The following ESRRB variants were observed in gnomAD, a reference collection of about 807,000 sequenced individuals.
The protein encoded by ESRRB is steroid hormone receptor ERR2.
A neutral mutation model predicts 46.0 loss-of-function variants in ESRRB; 16 were observed. The ratio of observed to expected loss-of-function variants is 0.35; its 90% CI spans 0.24 to 0.53. The LOEUF (loss-of-function observed/expected upper bound fraction) is 0.53, where lower values mean the gene tolerates loss of function less well. ESRRB is among the 20% of genes least tolerant of loss of function. ESRRB has a pLI of 0.93. For synonymous variants in ESRRB, 246 were observed against 259.6 expected, an observed-to-expected ratio of 0.95 and a Z score of 0.50; for missense variants, 488 against 607.4, an observed-to-expected ratio of 0.80 and a Z score of 2.07.
intron 1 of ESRRB, among the ~76,000 whole-genome samples, chr14:76,379,634 G>A (rs1233324951): frequency 4.6e-5 from 7 of 152,132 alleles, no homozygotes; most frequent in African/African-American, 1.7e-4. Flanking sequence ...GAAGAGGATG[G>A]GTGATAGGAG....
chr14:76,469,063 C>T (rs531655416), intron 3 of ESRRB, among the ~76,000 whole-genome samples: 38 of 152,140 alleles, frequency 2.5e-4, no homozygotes, highest in African/African-American at 8.9e-4. Flanking sequence ...TGCTCTGAAT[C>T]GCTCTCTTCT....
intron 1 of ESRRB, among the ~76,000 whole-genome samples, chr14:76,406,232 A>C (rs963873406): frequency 6.6e-6 from 1 of 152,158 alleles, no homozygotes; most frequent in Admixed American, 6.5e-5. Context: ...AAGGGAGGAC[A>C]CTGGAGAAAA....
chr14:76,384,798 T>C lies in ESRRB; in HGVS notation c.50+8347T>C, dbSNP rs188045694. 2.6e-4 allele frequency among the ~76,000 whole-genome samples: 39 copies of C among 152,316 alleles called. No individual in the cohort carries two copies. The East Asian group carries it at 7.5e-3, about 29-fold the overall frequency. ...GCATGTGAATATCTGGGAGAAGAAC[T>C]GTGTGAAGAGAGAGGCAAAGTCATC... On this transcript the variant is annotated intron_variant, in intron 1 of 6. Coordinates refer to ENST00000644823, the MANE Select transcript of ESRRB (RefSeq NM_001379180.1).
intron 1 of ESRRB, among the ~76,000 whole-genome samples, chr14:76,421,995 CTGTT>C (rs1886977773): frequency 6.6e-6 from 1 of 152,120 alleles, no homozygotes; most frequent in Non-Finnish European, 1.5e-5. Context: ...AGCCAGCAGG[CTGTT>C]TATTTATCAG....
chr14:76,355,937 C>G (rs1214086422), intron 1 of ESRRB, among the ~76,000 whole-genome samples: 1 of 152,226 alleles, frequency 6.6e-6, no homozygotes, highest in Admixed American at 6.5e-5. Context: ...AGATGACCCT[C>G]TTCCGCAATC....
intron 1 of ESRRB, among the ~76,000 whole-genome samples, chr14:76,395,835 TGGTAC>T (rs1259105779): frequency 8.2e-6 from 1 of 121,390 alleles, no homozygotes; most frequent in East Asian, 2.8e-4. Flanking sequence ...TTATGATACT[TGGTAC>T]TTGGGGTGGG....
chr14:76,437,946 A>G (rs1432117914), intron 1 of ESRRB, among the ~76,000 whole-genome samples: 2 of 152,046 alleles, frequency 1.3e-5, no homozygotes, highest in Non-Finnish European at 2.9e-5. Flanking sequence ...TGATCTTGCC[A>G]TACTGGTAAT....
intron 1 of ESRRB, among the ~76,000 whole-genome samples, chr14:76,430,276 G>A (rs1251258227): frequency 2.0e-5 from 3 of 152,164 alleles, no homozygotes; most frequent in African/African-American, 7.2e-5. Context: ...TTAATGGATA[G>A]CTCTTGATGG....
intron 5 of ESRRB, among the ~76,000 whole-genome samples, chr14:76,486,573 C>T (rs544840504): frequency 6.6e-6 from 1 of 151,730 alleles, no homozygotes; most frequent in South Asian, 2.1e-4. Flanking sequence ...TTTTTTTCCC[C>T]CTTCAATTCT....
intron 1 of ESRRB, among the ~76,000 whole-genome samples, chr14:76,336,475 G>A (rs940114740): frequency 1.3e-5 from 2 of 152,248 alleles, no homozygotes; most frequent in African/African-American, 4.8e-5. Context: ...CCTTGCCTCT[G>A]CACCTGCCCC....
At chr14:76,457,958 A>C (rs1362613263) in intron 2 of ESRRB, among the ~76,000 whole-genome samples, 4 of 152,174 alleles carry the variant, frequency 2.6e-5, no homozygotes, top group Non-Finnish European at 1.5e-5. Flanking sequence ...TAGAAGTGTG[A>C]GCCACTGCGC....
intron 3 of ESRRB, among the ~76,000 whole-genome samples, chr14:76,465,565 CAG>C (rs1371578831): frequency 6.6e-6 from 1 of 152,146 alleles, no homozygotes; most frequent in Non-Finnish European, 1.5e-5. Flanking sequence ...GCTGGGAGGA[CAG>C]GGGCATGAGA....
At chr14:76,477,087 G>T (rs1184992696) in intron 3 of ESRRB, among the ~76,000 whole-genome samples, 1 of 152,212 alleles carries the variant, frequency 6.6e-6, no homozygotes, top group African/African-American at 2.4e-5. Flanking sequence ...GTGAGAGTCT[G>T]TCTCAAAAAC....
At position 76,500,292 on chromosome 14, in the gene ESRRB, G is replaced by T. The variant is rs73320344; in HGVS notation, c.*1834G>T. On this transcript the variant is annotated 3_prime_UTR_variant, in exon 7 of 7. Coordinates refer to ENST00000644823, the MANE Select transcript of ESRRB (RefSeq NM_001379180.1). ...CCCAGACCAGTGATGTGTCCCTCCG[G>T]CTCCCCTTGCCTGTGGGGAATCGGG... 8,621 of 595,552 alleles carry T rather than the reference G, an allele frequency of 0.014. 588 individuals carry two copies. The highest frequency in any genetic ancestry group is 0.14 in the African/African-American group (7,761 of 53,896). 36.9% of individuals were successfully genotyped at this position (595,552 alleles called of 1,614,324 possible).
At chr14:76,353,493 A>ACTT (rs756595790) in intron 1 of ESRRB, among the ~76,000 whole-genome samples, 11 of 152,102 alleles carry the variant, frequency 7.2e-5, no homozygotes, top group Non-Finnish European at 1.5e-4. Context: ...CAGCCCCATC[A>ACTT]CTTCATCATC....
chr14:76,453,597 C>CTTT (rs796736002), intron 2 of ESRRB, among the ~76,000 whole-genome samples: 2,006 of 134,278 alleles, frequency 0.015, 85 homozygotes, highest in African/African-American at 0.054. Context: ...AAAAAAAGCT[C>CTTT]TTTTTTTTTT....
intron 1 of ESRRB, among the ~76,000 whole-genome samples, chr14:76,331,919 G>T (rs1222488748): frequency 6.6e-6 from 1 of 151,756 alleles, no homozygotes; most frequent in African/African-American, 2.4e-5. Flanking sequence ...GGTGCCCAGC[G>T]CCCAGTCATC....
At chr14:76,352,935 A>C (rs1278732265) in intron 1 of ESRRB, among the ~76,000 whole-genome samples, 2 of 152,152 alleles carry the variant, frequency 1.3e-5, no homozygotes, top group Non-Finnish European at 2.9e-5. Context: ...GCACACTCTG[A>C]GATCCAGCGC....
At chr14:76,326,059 C>T (rs530652694) in intron 1 of ESRRB, among the ~76,000 whole-genome samples, 9 of 152,286 alleles carry the variant, frequency 5.9e-5, no homozygotes, top group East Asian at 1.9e-4. Flanking sequence ...TCCACATGCC[C>T]GGCATCCACC....
Sources: allele counts gnomAD v4.1 joint callset (sites outside exome capture counted in the v4.1 genomes callset), GRCh38; gene constraint gnomAD v4.1.1; transcripts MANE v1.5; gene names NCBI Gene and HGNC (gene_info 2026-07-23, HGNC 2026-07-21).